The following PLCH1 variants were observed in gnomAD, a reference collection of about 807,000 sequenced individuals.
The protein encoded by PLCH1 is 1-phosphatidylinositol 4,5-bisphosphate phosphodiesterase eta-1.
In PLCH1, 60 loss-of-function variants were observed where a neutral mutation model predicts 126.7. The observed-to-expected ratio is 0.47, with a 90% CI of 0.38 to 0.59. The LOEUF (loss-of-function observed/expected upper bound fraction) is 0.59. Among genes scored for constraint, PLCH1 ranks in the 20% least tolerant of loss-of-function variants. The probability of loss-of-function intolerance (pLI) is 0.00; values close to 1 mark genes in which losing one functional copy is unlikely to be tolerated. For synonymous variants in PLCH1, 719 were observed against 734.9 expected (o/e 0.98, Z 0.35); for missense variants, 1,723 against 2,040.0 (o/e 0.84, Z 2.99).
chr3:155,580,437 T>A (rs1000336903), intron 6 of PLCH1, among the ~76,000 whole-genome samples: 2 of 152,126 alleles, frequency 1.3e-5, no homozygotes, highest in Non-Finnish European at 2.9e-5. Context: ...AAGGGTAGAT[T>A]TTGAATCAGT....
intron 12 of PLCH1, among the ~76,000 whole-genome samples, chr3:155,505,924 C>A (rs1718601324): frequency 6.6e-6 from 1 of 150,520 alleles, no homozygotes; most frequent in African/African-American, 2.5e-5. Flanking sequence ...TGAAATGGAC[C>A]AATTAATCTG....
Position 155,481,744 on chromosome 3 carries a change from C to T in PLCH1, c.4282G>A (p.Ala1428Thr). The change falls in exon 23 of 23, where the codon GCC (alanine) becomes ACC (threonine). Residue 1428 changes from alanine (A) to threonine (T), a missense_variant. By Grantham distance (58) the Ala-to-Thr change is moderately conservative (BLOSUM62 0). Transcript: ENST00000460012. The surrounding 1 kb of genome is among the most constrained non-coding windows in gnomAD (Gnocchi z 4.2). ...DVKTQSISYL[A>T]YQGAGFVHNH... is the part of the protein sequence containing the mutation. ...TGCACAAAGCCAGCACCCTGATAGG[C>T]TAGATAAGAAATACTTTGAGTTTTG... 1.2e-6 allele frequency: 2 copies of T among 1,614,140 alleles called. No individual in the cohort carries two copies. The highest frequency in any genetic ancestry group is 1.7e-6 in the Non-Finnish European group (2 of 1,180,014).
chr3:155,610,516 T>C (rs1734936142), intron 2 of PLCH1, among the ~76,000 whole-genome samples: 1 of 152,086 alleles, frequency 6.6e-6, no homozygotes, highest in Non-Finnish European at 1.5e-5. Flanking sequence ...AGAAGATTTC[T>C]CAGCAGAAAC....
chr3:155,561,442 G>A (rs1243663264), intron 8 of PLCH1, among the ~76,000 whole-genome samples: 5 of 151,798 alleles, frequency 3.3e-5, no homozygotes, highest in Non-Finnish European at 7.4e-5. Context: ...TTTCATCCAT[G>A]TCCCTACAAA....
chr3:155,691,560 C>T (rs1029233652), intron 2 of PLCH1, among the ~76,000 whole-genome samples: 1 of 152,158 alleles, frequency 6.6e-6, no homozygotes, highest in African/African-American at 2.4e-5. Context: ...TCACATGTAG[C>T]GTAACAGAGG....
intron 6 of PLCH1, among the ~76,000 whole-genome samples, chr3:155,580,256 T>C (rs1401173409): frequency 1.3e-5 from 2 of 152,174 alleles, no homozygotes; most frequent in Non-Finnish European, 2.9e-5. Flanking sequence ...AATGGCTCAA[T>C]AATAAGTAAA....
At chr3:155,496,599 G>A (rs1312506847) in intron 15 of PLCH1, among the ~76,000 whole-genome samples, 7 of 152,148 alleles carry the variant, frequency 4.6e-5, no homozygotes. Context: ...AACTTGTTGA[G>A]AAATTTGGAG....
intron 1 of PLCH1, among the ~76,000 whole-genome samples, chr3:155,725,956 T>C (rs1748286816): frequency 6.6e-6 from 1 of 152,220 alleles, no homozygotes; most frequent in African/African-American, 2.4e-5. Context: ...AGCTAGGAAG[T>C]TATCCATTAT....
chr3:155,689,254 T>C (rs1334214813), intron 2 of PLCH1, among the ~76,000 whole-genome samples: 1 of 152,184 alleles, frequency 6.6e-6, no homozygotes, highest in African/African-American at 2.4e-5. Flanking sequence ...CACAGCATTA[T>C]TGGACTTGGG....
At chr3:155,699,292 G>C (rs1028756095) in intron 2 of PLCH1, among the ~76,000 whole-genome samples, 2 of 152,026 alleles carry the variant, frequency 1.3e-5, no homozygotes, top group African/African-American at 4.8e-5. Flanking sequence ...GGCCAGGCTG[G>C]TCTCAAACTC....
At chr3:155,511,668 G>A (rs1382720152) in intron 12 of PLCH1, among the ~76,000 whole-genome samples, 1 of 140,968 alleles carries the variant, frequency 7.1e-6, no homozygotes, top group Non-Finnish European at 1.5e-5. Flanking sequence ...CTGCTCGGGG[G>A]TCAGGGGTCA....
At chr3:155,468,623 C>T (rs550418029) in intron 21 of PLCH1, among the ~76,000 whole-genome samples, 3 of 152,094 alleles carry the variant, frequency 2.0e-5, no homozygotes, top group African/African-American at 7.2e-5. Context: ...GATTTCAAGA[C>T]AAAAACTATA....
chr3:155,483,553 A>G (rs1399454268), intron 22 of PLCH1, among the ~76,000 whole-genome samples: 1 of 152,172 alleles, frequency 6.6e-6, no homozygotes, highest in Admixed American at 6.6e-5. Context: ...TTGGGAGCAT[A>G]TTTAATTTAG....
intron 4 of PLCH1, 28 bp downstream of exon 4, chr3:155,593,913 G>A (rs759703943): frequency 1.2e-6 from 2 of 1,610,000 alleles, no homozygotes; most frequent in Admixed American, 1.7e-5. Context: ...GCAAGAGAGA[G>A]CTGAAAATAA....
At chr3:155,509,119 T>G (rs1413093990) in intron 12 of PLCH1, among the ~76,000 whole-genome samples, 1 of 141,332 alleles carries the variant, frequency 7.1e-6, no homozygotes, top group Admixed American at 6.9e-5. Flanking sequence ...CCATTTCTTC[T>G]AGATTTTCTA....
chr3:155,661,364 T>C (rs1274109133), intron 2 of PLCH1, among the ~76,000 whole-genome samples: 1 of 152,176 alleles, frequency 6.6e-6, no homozygotes, highest in Non-Finnish European at 1.5e-5. Context: ...AGCCCATCTA[T>C]AAGCCAGGTT....
At chr3:155,612,329 C>CAA (rs778561751) in intron 2 of PLCH1, among the ~76,000 whole-genome samples, 39 of 92,352 alleles carry the variant, frequency 4.2e-4, no homozygotes, top group Admixed American at 1.4e-3. Flanking sequence ...AACTCTGTCT[C>CAA]AAAAAAAAAA....
intron 2 of PLCH1, among the ~76,000 whole-genome samples, chr3:155,650,321 C>T (rs866398051): frequency 2.0e-5 from 3 of 152,238 alleles, no homozygotes; most frequent in Middle Eastern, 6.8e-3. Context: ...CATGCCCTTG[C>T]TACTAAAATG....
At chr3:155,626,091 C>T (rs984065736) in intron 2 of PLCH1, among the ~76,000 whole-genome samples, 55 of 152,184 alleles carry the variant, frequency 3.6e-4, no homozygotes, top group African/African-American at 1.2e-3. Context: ...ATGGATGAAG[C>T]TGGAAACCAT....
Sources: allele counts gnomAD v4.1 joint callset (sites outside exome capture counted in the v4.1 genomes callset), GRCh38; gene constraint gnomAD v4.1.1; non-coding constraint Gnocchi (gnomAD v3.1); transcripts MANE v1.5; gene names NCBI Gene and HGNC (gene_info 2026-07-23, HGNC 2026-07-21).